Variants in SKIL observed in about 807,000 individuals in gnomAD.
SKIL encodes the protein ski-like protein.
SKIL carries 20 observed loss-of-function variants against 69.6 expected under a neutral mutation model. The ratio of observed to expected loss-of-function variants is 0.29; its 90% CI spans 0.20 to 0.42. SKIL has a LOEUF of 0.42. SKIL is among the 10% of genes least tolerant of loss of function. SKIL has a pLI of 1.00. For missense variants in SKIL, 745 were observed against 783.1 expected (o/e 0.95, Z 0.58); for synonymous variants, 310 against 279.9 (o/e 1.11, Z -1.08).
At chr3:170,386,658 CAG>C (rs200362743) in intron 4 of SKIL, among the ~76,000 whole-genome samples, 4,816 of 151,936 alleles carry the variant, frequency 0.032, 256 homozygotes, top group African/African-American at 0.11. Flanking sequence ...TTTGTAGAGA[CAG>C]GGTCTCACTG....
At chr3:170,361,683 A>G (rs974688640) in intron 2 of SKIL, among the ~76,000 whole-genome samples, 11 of 152,142 alleles carry the variant, frequency 7.2e-5, no homozygotes, top group Non-Finnish European at 1.3e-4. Context: ...AATGAAGCTC[A>G]GAGAGATAAA....
rs1199689215 is a variant in SKIL at position 170,369,883 on chromosome 3, AG to A, written c.1098+8456del. On this transcript the variant is annotated intron_variant, in intron 2 of 6. Transcript: ENST00000259119. Reference sequence around the variant, plus strand: ...ACTGGGATTCATATTACATAAAATAAGGATTTTATTAGACTCTAGAAAGCAA... The same window carrying A: ...ACTGGGATTCATATTACATAAAATAAGATTTTATTAGACTCTAGAAAGCAA... 4.6e-5 allele frequency among the ~76,000 whole-genome samples: 7 copies of A among 152,350 alleles called. No homozygotes were observed. The South Asian group carries it at 1.4e-3, about 32-fold the overall frequency.
Position 170,390,300 on chromosome 3 carries a change from A to G in SKIL, c.1507A>G (p.Lys503Glu), listed in dbSNP as rs996741608. The G allele has an allele frequency of 2.5e-6, 4 of 1,613,854 alleles. No homozygotes were observed. Among genetic ancestry groups the G allele is most frequent in the African/African-American group, 2.7e-5 (2 of 74,934 alleles). ...ATCNLVRDIN[K>E]VGIGLVAAAS... The stretch of plus-strand genomic sequence containing the variant: ...TTGCAACTTAGTCAGAGACATAAAC[A>G]AAGTGGGAATTGGCCTTGTTGCTGC... The change falls in exon 5 of 7, where the codon AAA becomes GAA. Residue 503 changes from lysine to glutamate, a missense_variant. Lys to Glu is a moderately conservative substitution (Grantham distance 56). Coordinates refer to ENST00000259119, the MANE Select transcript of SKIL (RefSeq NM_005414.5).
rs1318754789 is a variant in SKIL, at chr3:170,392,286, C to T, written c.1924C>T (p.His642Tyr). The T allele has an allele frequency of 1.2e-6, 2 of 1,611,190 alleles. No homozygotes were observed. The highest frequency in any genetic ancestry group is 2.7e-5 in the African/African-American group (2 of 74,936). Residue 642 changes from histidine to tyrosine, a missense_variant, in exon 7 of 7, where the codon CAT becomes TAT. Physicochemically the swap from His to Tyr is moderately conservative, Grantham distance 83. Transcript: ENST00000259119. ...GGCAGAACTGAGGCAGAGATTGGAC[C>T]ATGCTGAGGCCGATAGGCAAGAACT... ...QLAELRQRLD[H>Y]AEADRQELQD...
intron 3 of SKIL, among the ~76,000 whole-genome samples, chr3:170,382,079 C>G (rs1737383092): frequency 6.9e-6 from 1 of 145,350 alleles, no homozygotes; most frequent in Admixed American, 6.9e-5. Flanking sequence ...AAAACTGTCT[C>G]AAAAAAAAAG....
intron 2 of SKIL, among the ~76,000 whole-genome samples, chr3:170,364,386 C>G (rs539652123): frequency 9.9e-5 from 14 of 142,096 alleles, no homozygotes; most frequent in Non-Finnish European, 1.8e-4. Context: ...TACAATGGCG[C>G]GATCTCAGTT....
At chr3:170,365,696 T>A (rs1253909826) in intron 2 of SKIL, among the ~76,000 whole-genome samples, 1 of 151,476 alleles carries the variant, frequency 6.6e-6, no homozygotes, top group Non-Finnish European at 1.5e-5. Context: ...ATTGAGTTGG[T>A]TGCCAAACAA....
chr3:170,373,836 AG>A (rs1736900071), intron 2 of SKIL, among the ~76,000 whole-genome samples: 1 of 152,168 alleles, frequency 6.6e-6, no homozygotes, highest in Admixed American at 6.5e-5. Flanking sequence ...GGATGCAGTG[AG>A]CTATAATTAT....
At chr3:170,371,873 T>C (rs1310055416) in intron 2 of SKIL, among the ~76,000 whole-genome samples, 1 of 152,046 alleles carries the variant, frequency 6.6e-6, no homozygotes, top group Non-Finnish European at 1.5e-5. Flanking sequence ...AAACCTGAAG[T>C]AGAATAAAAT....
rs945923131 is a variant in SKIL, at chr3:170,393,046, T to G, written c.*629T>G. ...AGTGGGGAAGAAGAATGTGTTGTTA[T>G]GTGCTGCTGCTAAACAGAAGCAGCA... is the stretch of plus-strand genomic sequence containing the variant. On this transcript the variant is annotated 3_prime_UTR_variant, in exon 7 of 7. Transcript: ENST00000259119. 1 of 152,214 alleles carries G rather than the reference T, an allele frequency of 6.6e-6. No individual in the cohort carries two copies. Among genetic ancestry groups the G allele is most frequent in the Admixed American group, 6.5e-5 (1 of 15,270 alleles). The allele number at this position is 152,214 out of a possible 1,614,324, so 9.4% of individuals were successfully genotyped here.
At chr3:170,369,659 C>G (rs1736705072) in intron 2 of SKIL, among the ~76,000 whole-genome samples, 1 of 151,998 alleles carries the variant, frequency 6.6e-6, no homozygotes, top group Non-Finnish European at 1.5e-5. Context: ...GTCTCAGCCT[C>G]CCAAAGTGCT....
Position 170,365,752 on chromosome 3 carries a change from C to CTTTTTTTTTTTTTTTTTTTTTTTTTTT in SKIL, c.1098+4344_1098+4345insTTTTTTTTTTTTTTTTTTTTTTTTTTT, listed in dbSNP as rs59222162. Among the ~76,000 whole-genome samples the CTTTTTTTTTTTTTTTTTTTTTTTTTTT allele has an allele frequency of 1.5e-4, 16 of 106,450 alleles. 1 individual carries two copies. The highest frequency in any genetic ancestry group is 1.1e-3 in the East Asian group (4 of 3,626). The allele number at this position is 106,450 out of a possible 152,430, so 69.8% of individuals were successfully genotyped here. A position where few individuals can be genotyped will look rare whatever the true frequency, so the allele number is the denominator to read the frequency against. On this transcript the variant is annotated intron_variant, in intron 2 of 6. Coordinates refer to ENST00000259119, the MANE Select transcript of SKIL (RefSeq NM_005414.5). ...GCTCATTTTAAAAAGTCAAACTAGG[C>CTTTTTTTTTTTTTTTTTTTTTTTTTTT]TTTTTTTTTTTTTTTTTTTTTGAGA...
Sources: allele counts gnomAD v4.1 joint callset (sites outside exome capture counted in the v4.1 genomes callset), GRCh38; gene constraint gnomAD v4.1.1; transcripts MANE v1.5; gene names NCBI Gene and HGNC (gene_info 2026-07-23, HGNC 2026-07-21).